Variants in RLBP1 observed in about 807,000 individuals in gnomAD.
The protein encoded by RLBP1 is retinaldehyde-binding protein 1.
In RLBP1, 26 loss-of-function variants were observed where a neutral mutation model predicts 36.2. The observed-to-expected ratio is 0.72, with a 90% CI of 0.53 to 1.00. The LOEUF is 1.00. Ranked by LOEUF, RLBP1 falls within the 50% of genes least tolerant of loss-of-function variation. The pLI, the probability that RLBP1 is intolerant of heterozygous loss-of-function variation, is 0.00. For synonymous variants in RLBP1, 155 were observed against 156.2 expected (o/e 0.99, Z 0.06); for missense variants, 410 against 402.4 (o/e 1.02, Z -0.16).
Position 89,217,144 on chromosome 15 carries a change from C to T in RLBP1, c.322G>A (p.Gly108Ser). The T allele has an allele frequency of 6.2e-7, 1 of 1,614,094 alleles. No individual in the cohort carries two copies. Among genetic ancestry groups the T allele is most frequent in the South Asian group, 1.1e-5 (1 of 91,084 alleles). ...RFIRARKFNV[G>S]RAYELLRGYV... ...CCTCTGAGCAGCTCATAGGCACGGC[C>T]CACGTTGAACTTCCGTGCGCGGATG... Residue 108 changes from glycine to serine, a missense_variant, in exon 5 of 9, where the codon GGC (glycine) becomes AGC (serine). Gly to Ser is a moderately conservative substitution (Grantham distance 56, BLOSUM62 0). Transcript: ENST00000268125.
At chr15:89,217,927 C>A (rs1231824252) in intron 4 of RLBP1, among the ~76,000 whole-genome samples, 1 of 152,176 alleles carries the variant, frequency 6.6e-6, no homozygotes, top group Non-Finnish European at 1.5e-5. Context: ...TCTCCTTGGA[C>A]AGCATGAGGA....
chr15:89,211,640 T>G lies in RLBP1; in HGVS notation c.684+103A>C, dbSNP rs1596181105. 8.3e-7 allele frequency: 1 copy of G among 1,209,952 alleles called. No homozygotes were observed. Among genetic ancestry groups the G allele is most frequent in the Non-Finnish European group, 1.2e-6 (1 of 834,204 alleles). The allele number at this position is 1,209,952 out of a possible 1,614,324, so 75.0% of individuals were successfully genotyped here. Reference sequence around the variant, plus strand: ...TGTCACTGCTCTTTATGGCGCGAGGTGGTCCAACTTCTCAGTTCCCTGCAA... The same window carrying G: ...TGTCACTGCTCTTTATGGCGCGAGGGGGTCCAACTTCTCAGTTCCCTGCAA... On this transcript the variant is annotated intron_variant, in intron 7 of 8. Coordinates refer to ENST00000268125, the MANE Select transcript of RLBP1 (RefSeq NM_000326.5). This position sits in a 1 kb window ranked among gnomAD's most constrained non-coding sequence, Gnocchi z 5.8.
At chr15:89,213,883 G>T (rs932839538) in intron 6 of RLBP1, among the ~76,000 whole-genome samples, 119 of 152,112 alleles carry the variant, frequency 7.8e-4, no homozygotes, top group Non-Finnish European at 1.2e-3. Context: ...AAGATCATAG[G>T]GGGAAATAAA....
intron 1 of RLBP1, among the ~76,000 whole-genome samples, chr15:89,220,475 G>A (rs376630266): frequency 1.3e-5 from 2 of 152,068 alleles, no homozygotes; most frequent in East Asian, 3.9e-4. Flanking sequence ...ACCCTAACTT[G>A]CACAAAGAGA....
In RLBP1 at chr15:89,217,444, G is replaced by A. The variant is rs1046533161; in HGVS notation, c.142-120C>T. 1.9e-5 allele frequency: 19 copies of A among 986,052 alleles called. No individual in the cohort carries two copies. In the African/African-American group the frequency reaches 2.2e-4, roughly 12 times the overall value. 61.1% of individuals were successfully genotyped at this position (986,052 alleles called of 1,614,324 possible). A position where few individuals can be genotyped will look rare whatever the true frequency, so the allele number is the denominator to read the frequency against. On this transcript the variant is annotated intron_variant, in intron 4 of 8. Transcript: ENST00000268125. Reference sequence around the variant, plus strand: ...CAAGGGGGCCCAGGGGTCTGCAGCCGCAGCTTTGCTTTTCTGCCCCAGGGG... The same window carrying A: ...CAAGGGGGCCCAGGGGTCTGCAGCCACAGCTTTGCTTTTCTGCCCCAGGGG...
intron 6 of RLBP1, among the ~76,000 whole-genome samples, chr15:89,212,471 C>T (rs1358730938): frequency 6.6e-6 from 1 of 150,942 alleles, no homozygotes; most frequent in African/African-American, 2.4e-5. Flanking sequence ...GTAATCCCAG[C>T]TACTTTGGGA....
intron 6 of RLBP1, 54 bp downstream of exon 6, chr15:89,215,006 G>A: frequency 6.3e-7 from 1 of 1,586,412 alleles, no homozygotes; most frequent in South Asian, 1.1e-5. Flanking sequence ...AGAGGCCAGG[G>A]TTGAGGGAGG....
At chr15:89,216,687 T>A (rs969588727) in intron 5 of RLBP1, among the ~76,000 whole-genome samples, 17 of 152,082 alleles carry the variant, frequency 1.1e-4, no homozygotes, top group African/African-American at 4.1e-4. Context: ...GTCCCCGGGG[T>A]TCATTCCCAG....
At position 89,218,805 on chromosome 15, in the gene RLBP1, C is replaced by T. The variant is rs2051603926; in HGVS notation, c.13-112G>A. 2 of 1,569,966 alleles carry T rather than the reference C, an allele frequency of 1.3e-6. No homozygotes were observed. Among genetic ancestry groups the T allele is most frequent in the Admixed American group, 1.8e-5 (1 of 56,612 alleles). ...TTTGCCCAAGGTCATTGTTAAGCCTCCTCCTTTTGTGGGGTCAGGACCCAC... is the reference window on the plus strand; with the variant it reads ...TTTGCCCAAGGTCATTGTTAAGCCTTCTCCTTTTGTGGGGTCAGGACCCAC... On this transcript the variant is annotated intron_variant, in intron 3 of 8. Transcript: ENST00000268125. This position sits in a 1 kb window ranked among gnomAD's most constrained non-coding sequence, Gnocchi z 4.6.
rs747546463 is a variant in RLBP1, at chr15:89,217,343, T to G, written c.142-19A>C. 3 of 1,601,330 alleles carry G rather than the reference T, an allele frequency of 1.9e-6. No homozygotes were observed. The highest frequency in any genetic ancestry group is 2.5e-6 in the Non-Finnish European group (3 of 1,179,554). On this transcript the variant is annotated intron_variant, in intron 4 of 8. Coordinates refer to ENST00000268125, the MANE Select transcript of RLBP1 (RefSeq NM_000326.5). ...CCTTGGCCTAGAACAGGGTGGGGTG[T>G]GCATGAAGTTAAACTTAGGTGCGGG...
rs750590487 is a variant in RLBP1 at position 89,215,235 on chromosome 15, T to A, written c.350A>T (p.Tyr117Phe). 1 of 1,614,070 alleles carries A rather than the reference T, an allele frequency of 6.2e-7. No individual in the cohort carries two copies. The highest frequency in any genetic ancestry group is 1.7e-5 in the Admixed American group (1 of 60,018). The change falls in exon 6 of 9, where the codon TAT (tyrosine) becomes TTT (phenylalanine). Residue 117 changes from tyrosine (Y) to phenylalanine (F), a missense_variant. Tyr to Phe is a conservative substitution (Grantham distance 22). Transcript: ENST00000268125. ...AGGGTACTGCAGCCGGAAATTCACA[T>A]AGCCTGGAGGAAGGAGAGCAGAGGA... Reference protein sequence around the residue: ...VGRAYELLRGYVNFRLQYPEL... With the variant: ...VGRAYELLRGFVNFRLQYPEL...
At chr15:89,219,608 C>G (rs2051610598) in intron 2 of RLBP1, 129 bp downstream of exon 2, 1 of 156,746 alleles carries the variant, frequency 6.4e-6, no homozygotes, top group African/African-American at 2.4e-5. Context: ...TAAGTACTTT[C>G]AAATCCACTC....
intron 5 of RLBP1, among the ~76,000 whole-genome samples, chr15:89,216,325 C>T (rs58125069): frequency 0.061 from 7,949 of 131,160 alleles, 261 homozygotes; most frequent in East Asian, 0.16. Context: ...TTTTTTTTTT[C>T]TTTCTTTCTT....
At chr15:89,215,831 A>G (rs1240860357) in intron 5 of RLBP1, among the ~76,000 whole-genome samples, 1 of 152,150 alleles carries the variant, frequency 6.6e-6, no homozygotes, top group African/African-American at 2.4e-5. Flanking sequence ...CAACTTGCTC[A>G]CTGCTCTGGA....
chr15:89,212,108 G>A (rs567970447), intron 6 of RLBP1, among the ~76,000 whole-genome samples: 6 of 152,272 alleles, frequency 3.9e-5, no homozygotes, highest in African/African-American at 1.4e-4. Context: ...GTTTATCCCA[G>A]TACTCTTGCA....
chr15:89,210,302 C>A lies in RLBP1; in HGVS notation c.937G>T (p.Glu313Ter). Residue 313 changes from glutamate to a stop codon, truncating the protein, a stop_gained, in exon 9 of 9, where the codon GAG becomes TAG. Transcript: ENST00000268125. LOFTEE classifies it high-confidence loss of function. The surrounding 1 kb of genome is among the most constrained non-coding windows in gnomAD (Gnocchi z 4.7). ...EQLFGPQAQA[E>*]NTAF ...AGATGTTTTCAGAAGGCTGTGTTCTCAGCTTGGGCCTGGGGGCCAAAGAGC... is the reference window on the plus strand; with the variant it reads ...AGATGTTTTCAGAAGGCTGTGTTCTAAGCTTGGGCCTGGGGGCCAAAGAGC... 1 of 1,614,202 alleles carries A rather than the reference C, an allele frequency of 6.2e-7. No individual in the cohort carries two copies. Among genetic ancestry groups the A allele is most frequent in the Non-Finnish European group, 8.5e-7 (1 of 1,180,044 alleles).
rs1394251687 is a variant in RLBP1, at chr15:89,217,262, C to G, written c.204G>C (p.Glu68Asp). 14 of 1,610,940 alleles carry G rather than the reference C, an allele frequency of 8.7e-6. No individual in the cohort carries two copies. Among genetic ancestry groups the G allele is most frequent in the Admixed American group, 3.3e-5 (2 of 60,030 alleles). Residue 68 changes from glutamate (E) to aspartate (D), a missense_variant, in exon 5 of 9, where the codon GAG becomes GAC. By Grantham distance (45) the Glu-to-Asp change is conservative (BLOSUM62 2). Coordinates refer to ENST00000268125, the MANE Select transcript of RLBP1 (RefSeq NM_000326.5). ...CCGAGGCCGCCTGCGCCTGCACCAT[C>G]TCCTGCAGCTCTCGCACTGCCTCCT... ...TREEAVRELQ[E>D]MVQAQAASGE...
chr15:89,217,160 T>G lies in RLBP1; in HGVS notation c.306A>C (p.Ala102=), dbSNP rs143817941. Residue 102 remains alanine, a synonymous_variant, in exon 5 of 9, where the codon GCA becomes GCC. Transcript: ENST00000268125. The stretch of plus-strand genomic sequence containing the variant: ...AGGCACGGCCCACGTTGAACTTCCG[T>G]GCGCGGATGAAGCGCAGGAAGAAGC... The part of the protein sequence containing the change: ...DSGFFLRFIR[A]RKFNVGRAYE... 9.8e-4 allele frequency: 1,576 copies of G among 1,614,112 alleles called. 14 individuals are homozygous for G. The East Asian group carries it at 0.014, about 14-fold the overall frequency.
In RLBP1 at chr15:89,218,779, T is replaced by C; in HGVS notation, c.13-86A>G. The C allele has an allele frequency of 6.3e-7, 1 of 1,599,812 alleles. No homozygotes were observed. The highest frequency in any genetic ancestry group is 1.1e-5 in the South Asian group (1 of 90,276). ...ATGGGCCTGCTCAGACCTTCAGTTC[T>C]TTTGCCCAAGGTCATTGTTAAGCCT... On this transcript the variant is annotated intron_variant, in intron 3 of 8. Coordinates refer to ENST00000268125, the MANE Select transcript of RLBP1 (RefSeq NM_000326.5). This position sits in a 1 kb window ranked among gnomAD's most constrained non-coding sequence, Gnocchi z 4.6.
Sources: gnomAD v4.1 joint callset for allele counts (sites outside exome capture counted in the v4.1 genomes callset) on GRCh38, gnomAD v4.1.1 for gene constraint, Gnocchi (gnomAD v3.1) non-coding constraint, MANE v1.5 for transcripts, NCBI Gene and HGNC (gene_info 2026-07-23, HGNC 2026-07-21) for gene names.